The following ZNF605 variants were observed in gnomAD, a reference collection of about 807,000 sequenced individuals.
The protein encoded by ZNF605 is zinc finger protein 605.
In ZNF605, 9 loss-of-function variants were observed where a neutral mutation model predicts 7.9. The ratio of observed to expected loss-of-function variants is 1.14; its 90% CI spans 0.68 to 1.98. The LOEUF is 1.98. Ranked by LOEUF, ZNF605 falls within the 30% of genes most tolerant of loss-of-function variation. The pLI is 0.00. For synonymous variants in ZNF605, 255 were observed against 260.1 expected, an observed-to-expected ratio of 0.98 and a Z score of 0.19; for missense variants, 673 against 762.4, an observed-to-expected ratio of 0.88 and a Z score of 1.38.
At position 132,952,848 on chromosome 12, in the gene ZNF605, C is replaced by T. The variant is rs994605639; in HGVS notation, c.-286+3395G>A. 3.9e-5 allele frequency among the ~76,000 whole-genome samples: 6 copies of T among 152,218 alleles called. No homozygotes were observed. The East Asian group carries it at 5.8e-4, about 15-fold the overall frequency. On this transcript the variant is annotated intron_variant, in intron 1 of 4. Transcript: ENST00000360187. ...AAAGGGCAAAAAGACCTGTCACTCACGAGAGGCTTGCCTGAGCCAACCCAC... is the reference window on the plus strand; with the variant it reads ...AAAGGGCAAAAAGACCTGTCACTCATGAGAGGCTTGCCTGAGCCAACCCAC...
chr12:132,929,286 A>C (rs932917390), intron 4 of ZNF605, among the ~76,000 whole-genome samples: 2 of 151,996 alleles, frequency 1.3e-5, no homozygotes, highest in African/African-American at 4.8e-5. Flanking sequence ...GCACACCTGT[A>C]GTCCCAGCTA....
chr12:132,944,573 C>T (rs1952479484), intron 3 of ZNF605, among the ~76,000 whole-genome samples: 1 of 152,148 alleles, frequency 6.6e-6, no homozygotes, highest in African/African-American at 2.4e-5. Flanking sequence ...ATCAATTCTG[C>T]CAGGTGATTT....
intron 3 of ZNF605, among the ~76,000 whole-genome samples, chr12:132,942,829 C>T (rs1241603040): frequency 6.6e-6 from 1 of 152,206 alleles, no homozygotes; most frequent in Admixed American, 6.5e-5. Flanking sequence ...TGTGGGGCGT[C>T]TTTCCTGGCA....
Position 132,925,212 on chromosome 12 carries a change from C to G in ZNF605, c.*161G>C. 1 of 542,014 alleles carries G rather than the reference C, an allele frequency of 1.8e-6. No homozygotes were observed. The allele number at this position is 542,014 out of a possible 1,614,324, so 33.6% of individuals were successfully genotyped here. A position where few individuals can be genotyped will look rare whatever the true frequency, so the allele number is the denominator to read the frequency against. On this transcript the variant is annotated 3_prime_UTR_variant, in exon 5 of 5. Coordinates refer to ENST00000360187, the MANE Select transcript of ZNF605 (RefSeq NM_183238.4). Reference sequence around the variant, plus strand: ...TTTTACACTGTTTGCTTTTTAAAAACTTCTCTTTCTAAATTCTGCTTAGTG... The same window carrying G: ...TTTTACACTGTTTGCTTTTTAAAAAGTTCTCTTTCTAAATTCTGCTTAGTG...
chr12:132,946,374 C>T (rs1159343094), intron 2 of ZNF605, among the ~76,000 whole-genome samples: 7 of 152,208 alleles, frequency 4.6e-5, no homozygotes, highest in South Asian at 2.1e-4. Context: ...CCTGGGCAGA[C>T]GCAGGCTGGG....
intron 3 of ZNF605, 39 bp downstream of exon 3, chr12:132,945,582 G>C (rs1396917106): frequency 5.6e-6 from 8 of 1,417,390 alleles, no homozygotes; most frequent in Admixed American, 3.4e-5. Flanking sequence ...CCTGTGACTG[G>C]ATCATTTTCA....
At chr12:132,947,008 GTT>G (rs111996453) in intron 2 of ZNF605, among the ~76,000 whole-genome samples, 1,936 of 90,374 alleles carry the variant, frequency 0.021, 47 homozygotes, top group African/African-American at 0.059. Flanking sequence ...TCACCCCCTT[GTT>G]TTTTTTTGGT....
chr12:132,951,752 AAC>A (rs1280019870), intron 1 of ZNF605, among the ~76,000 whole-genome samples: 7 of 151,978 alleles, frequency 4.6e-5, no homozygotes, highest in East Asian at 1.9e-4. Flanking sequence ...ACACATGTAC[AAC>A]ACACATCACA....
intron 1 of ZNF605, among the ~76,000 whole-genome samples, chr12:132,954,233 T>A (rs1029083898): frequency 2.0e-5 from 3 of 148,096 alleles, no homozygotes; most frequent in Non-Finnish European, 4.5e-5. Flanking sequence ...GACACCATAA[T>A]CACCAGCACC....
In ZNF605 at chr12:132,927,021, T is replaced by C; in HGVS notation, c.278A>G (p.His93Arg). ...ACTTTTTTCTCCTGTGCCACATTTA[T>C]GGGATCGCAGTCCTACATGAACAAT... Reference protein sequence around the residue: ...INIVHVGLRSHKCGTGEKSLK... With the variant: ...INIVHVGLRSRKCGTGEKSLK... The change falls in exon 5 of 5, where the codon CAT becomes CGT. Residue 93 changes from histidine to arginine, a missense_variant. Transcript: ENST00000360187. 6.2e-7 allele frequency: 1 copy of C among 1,610,746 alleles called. No homozygotes were observed. The highest frequency in any genetic ancestry group is 2.2e-5 in the East Asian group (1 of 44,882).
intron 3 of ZNF605, among the ~76,000 whole-genome samples, chr12:132,936,358 A>G (rs1952366920): frequency 6.6e-6 from 1 of 152,216 alleles, no homozygotes; most frequent in African/African-American, 2.4e-5. Context: ...ACCAGAAGAA[A>G]TAATAAAGCA....
chr12:132,930,186 A>G (rs1006656703), intron 4 of ZNF605, among the ~76,000 whole-genome samples: 1 of 152,292 alleles, frequency 6.6e-6, no homozygotes, highest in Admixed American at 6.5e-5. Flanking sequence ...GTGTGCCAGC[A>G]TACCTGGCTA....
chr12:132,953,975 A>G (rs1952602998), intron 1 of ZNF605, among the ~76,000 whole-genome samples: 1 of 151,940 alleles, frequency 6.6e-6, no homozygotes, highest in Non-Finnish European at 1.5e-5. Context: ...TAATACAAAC[A>G]AGCTCCTTCT....
At chr12:132,932,853 G>A in intron 4 of ZNF605, 182 bp downstream of exon 4, 1 of 1,445,152 alleles carries the variant, frequency 6.9e-7, no homozygotes, top group Non-Finnish European at 9.3e-7. Context: ...CCTGGGCTAA[G>A]AGTCTTAAAT....
At chr12:132,939,954 G>A (rs987611841) in intron 3 of ZNF605, among the ~76,000 whole-genome samples, 2 of 151,792 alleles carry the variant, frequency 1.3e-5, no homozygotes, top group African/African-American at 4.9e-5. Flanking sequence ...CTGAGCCAGC[G>A]AGACCACGAA....
At chr12:132,929,056 A>C (rs137971932) in intron 4 of ZNF605, among the ~76,000 whole-genome samples, 6 of 150,438 alleles carry the variant, frequency 4.0e-5, no homozygotes, top group East Asian at 1.9e-4. Flanking sequence ...AAAAAACCCC[A>C]AAAACTACTC....
intron 3 of ZNF605, among the ~76,000 whole-genome samples, chr12:132,943,383 C>T (rs1952464787): frequency 6.6e-6 from 1 of 151,778 alleles, no homozygotes; most frequent in Admixed American, 6.6e-5. Flanking sequence ...CAAAAAAAAC[C>T]TGTAGTGCAT....
intron 1 of ZNF605, among the ~76,000 whole-genome samples, chr12:132,951,275 CAG>C (rs1170553477): frequency 1.3e-5 from 2 of 151,172 alleles, no homozygotes; most frequent in African/African-American, 2.4e-5. Flanking sequence ...ACATCACACA[CAG>C]ATACACGTAC....
rs1952603178 is a variant in ZNF605, at chr12:132,953,988, C to A, written c.-286+2255G>T. Among the ~76,000 whole-genome samples, 10 of 152,172 alleles carry A rather than the reference C, an allele frequency of 6.6e-5. No individual in the cohort carries two copies. In the South Asian group the frequency reaches 2.1e-3, roughly 32 times the overall value. ...ACTAATACAAACAAGCTCCTTCTCA[C>A]CTGGTTCCAACACCCTCAAATAACA... is the stretch of plus-strand genomic sequence containing the variant. On this transcript the variant is annotated intron_variant, in intron 1 of 4. Coordinates refer to ENST00000360187, the MANE Select transcript of ZNF605 (RefSeq NM_183238.4).
Sources: allele counts gnomAD v4.1 joint callset (sites outside exome capture counted in the v4.1 genomes callset), GRCh38; gene constraint gnomAD v4.1.1; transcripts MANE v1.5; gene names NCBI Gene and HGNC (gene_info 2026-07-23, HGNC 2026-07-21).